Variants in EYS observed in about 807,000 individuals in gnomAD.
EYS encodes protein eyes shut homolog.
Under a neutral mutation model 282.1 loss-of-function variants are expected in EYS, and 250 were observed. That is an observed-to-expected ratio of 0.89 (90% CI 0.80 to 0.98). The LOEUF (loss-of-function observed/expected upper bound fraction) is 0.98. Ranked by LOEUF, EYS falls within the 50% of genes least tolerant of loss-of-function variation. The probability of loss-of-function intolerance (pLI) is 0.00; values close to 1 mark genes in which losing one functional copy is unlikely to be tolerated. For synonymous variants in EYS, 1,355 were observed against 1,282.9 expected (o/e 1.06, Z -1.20); for missense variants, 4,016 against 3,709.0 (o/e 1.08, Z -2.15).
intron 5 of EYS, among the ~76,000 whole-genome samples, chr6:65,445,246 T>A (rs1277168116): frequency 6.6e-6 from 1 of 151,914 alleles, no homozygotes; most frequent in African/African-American, 2.4e-5. Flanking sequence ...CTTTTTGTAC[T>A]AGGTGGAAAA....
intron 33 of EYS, among the ~76,000 whole-genome samples, chr6:64,053,642 A>G (rs1770886002): frequency 6.6e-6 from 1 of 152,170 alleles, no homozygotes; most frequent in Non-Finnish European, 1.5e-5. Context: ...ACAGGTGTAA[A>G]TAATTAACTA....
chr6:65,383,135 C>T (rs1437366549), intron 8 of EYS, among the ~76,000 whole-genome samples: 5 of 151,918 alleles, frequency 3.3e-5, no homozygotes, highest in African/African-American at 1.2e-4. Flanking sequence ...TTCTACAAAA[C>T]ATTTGTTAAT....
At chr6:65,675,922 T>C (rs1253722713) in intron 1 of EYS, among the ~76,000 whole-genome samples, 1 of 151,680 alleles carries the variant, frequency 6.6e-6, no homozygotes, top group Non-Finnish European at 1.5e-5. Context: ...TGAATAAAAA[T>C]AGAAATCAAT....
chr6:64,634,516 G>A (rs936137637), intron 22 of EYS, among the ~76,000 whole-genome samples: 1 of 147,594 alleles, frequency 6.8e-6, no homozygotes, highest in Non-Finnish European at 1.5e-5. Flanking sequence ...TGGCTATCTT[G>A]TGCGTATACT....
intron 5 of EYS, among the ~76,000 whole-genome samples, chr6:65,463,289 A>G (rs1285875699): frequency 6.6e-6 from 1 of 152,020 alleles, no homozygotes; most frequent in Non-Finnish European, 1.5e-5. Context: ...CTACAACTTT[A>G]TTTCCCAAAC....
At chr6:64,156,920 T>G (rs972834173) in intron 31 of EYS, among the ~76,000 whole-genome samples, 24 of 152,106 alleles carry the variant, frequency 1.6e-4, no homozygotes, top group African/African-American at 5.5e-4. Flanking sequence ...ATACTTTAAG[T>G]TTTAGGGTAC....
chr6:64,478,103 C>T (rs1776329139), intron 26 of EYS, among the ~76,000 whole-genome samples: 2 of 152,028 alleles, frequency 1.3e-5, no homozygotes, highest in Admixed American at 1.3e-4. Flanking sequence ...CCTTAATATA[C>T]TGAGTTTTAC....
At chr6:64,368,747 A>G (rs952877718) in intron 29 of EYS, among the ~76,000 whole-genome samples, 3 of 151,700 alleles carry the variant, frequency 2.0e-5, no homozygotes, top group Non-Finnish European at 4.4e-5. Context: ...CCCATTTTTA[A>G]ATGGGGTTGT....
chr6:63,998,990 G>A, intron 34 of EYS, 85 bp downstream of exon 34: 1 of 809,240 alleles, frequency 1.2e-6, no homozygotes, highest in South Asian at 1.6e-5. Context: ...TAAGAAATAT[G>A]ATTACTGCTT....
At chr6:64,676,348 A>ATC (rs1352311453) in intron 22 of EYS, among the ~76,000 whole-genome samples, 26 of 142,850 alleles carry the variant, frequency 1.8e-4, no homozygotes, top group East Asian at 4.0e-4. Context: ...CTATATATAT[A>ATC]TATAGAGAGA....
chr6:63,927,886 C>A (rs1431147550), intron 35 of EYS, among the ~76,000 whole-genome samples: 1 of 152,178 alleles, frequency 6.6e-6, no homozygotes, highest in Non-Finnish European at 1.5e-5. Context: ...TCACCTCCAT[C>A]CCTGAAATTA....
At chr6:64,359,334 C>G (rs1771930213) in intron 29 of EYS, among the ~76,000 whole-genome samples, 2 of 151,538 alleles carry the variant, frequency 1.3e-5, no homozygotes, top group Admixed American at 6.6e-5. Context: ...GTTTGGGAAC[C>G]ATTAACCCAA....
Position 64,166,577 on chromosome 6 carries a change from T to C in EYS, c.6424+64015A>G, listed in dbSNP as rs531953181. Among the ~76,000 whole-genome samples, 53 of 152,288 alleles carry C rather than the reference T, an allele frequency of 3.5e-4. 1 individual carries two copies. The highest frequency in any genetic ancestry group is 3.2e-3 in the Admixed American group (49 of 15,302). On this transcript the variant is annotated intron_variant, in intron 31 of 42. Coordinates refer to ENST00000503581, the MANE Select transcript of EYS (RefSeq NM_001142800.2). ...TCCAGGTCTAGAATCTGCACTCTTG[T>C]CATGCTGAAGGGATTAACCTACCGA...
At chr6:65,316,647 C>A (rs1441680462) in intron 11 of EYS, among the ~76,000 whole-genome samples, 3 of 151,790 alleles carry the variant, frequency 2.0e-5, no homozygotes, top group African/African-American at 7.3e-5. Context: ...CTCCCCCTGG[C>A]AGGCCCCAGT....
At chr6:65,432,197 G>T (rs1019514575) in intron 5 of EYS, among the ~76,000 whole-genome samples, 1 of 152,188 alleles carries the variant, frequency 6.6e-6, no homozygotes, top group South Asian at 2.1e-4. Flanking sequence ...GATTGCAATA[G>T]CTGTTTTATA....
At chr6:65,283,612 A>G (rs1436830335) in intron 12 of EYS, among the ~76,000 whole-genome samples, 1 of 152,042 alleles carries the variant, frequency 6.6e-6, no homozygotes. Flanking sequence ...CTATGCCAAT[A>G]GTAAAATAGA....
At chr6:64,073,338 A>G (rs1771657378) in intron 32 of EYS, among the ~76,000 whole-genome samples, 1 of 151,826 alleles carries the variant, frequency 6.6e-6, no homozygotes, top group South Asian at 2.1e-4. Flanking sequence ...CCATGATTCT[A>G]TAGCAAATTA....
chr6:64,231,848 C>T (rs1582459554), intron 30 of EYS, among the ~76,000 whole-genome samples: 1 of 152,038 alleles, frequency 6.6e-6, no homozygotes, highest in East Asian at 1.9e-4. Context: ...TTTAGAATTT[C>T]ACTTAATATA....
chr6:64,182,845 C>T (rs1367185486), intron 31 of EYS, among the ~76,000 whole-genome samples: 1 of 152,100 alleles, frequency 6.6e-6, no homozygotes, highest in African/African-American at 2.4e-5. Flanking sequence ...TGCCTTCCAC[C>T]CTACTCCTGT....
Sources: allele counts gnomAD v4.1 joint callset (sites outside exome capture counted in the v4.1 genomes callset), GRCh38; gene constraint gnomAD v4.1.1; transcripts MANE v1.5; gene names NCBI Gene and HGNC (gene_info 2026-07-23, HGNC 2026-07-21).